Variants in PIK3R3 observed in about 807,000 individuals in gnomAD.
The protein encoded by PIK3R3 is phosphoinositide-3-kinase regulatory subunit 3.
Under a neutral mutation model 62.9 loss-of-function variants are expected in PIK3R3, and 64 were observed. That is an observed-to-expected ratio of 1.02 (90% CI 0.83 to 1.25). The LOEUF (loss-of-function observed/expected upper bound fraction) is 1.25, where lower values mean the gene tolerates loss of function less well. PIK3R3 is among the 50% of genes most tolerant of loss of function. The pLI is 0.00. For synonymous variants in PIK3R3, 165 were observed against 189.0 expected, an observed-to-expected ratio of 0.87 and a Z score of 1.04; for missense variants, 614 against 561.6, an observed-to-expected ratio of 1.09 and a Z score of -0.94.
chr1:46,169,689 A>G, the PIK3R3 span, among the ~76,000 whole-genome samples: 30 of 152,108 alleles, frequency 2.0e-4, no homozygotes, highest in Non-Finnish European at 3.4e-4. Context: ...GTCAGGGCTG[A>G]GGTATTGAGC....
chr1:46,071,120 CCTT>C (rs1190834425), intron 3 of PIK3R3, among the ~76,000 whole-genome samples: 3 of 152,044 alleles, frequency 2.0e-5, no homozygotes, highest in Non-Finnish European at 4.4e-5. Flanking sequence ...TCACTCTCTC[CCTT>C]CTTAATATTT....
chr1:46,066,031 C>A, intron 5 of PIK3R3, 23 bp downstream of exon 5: 2 of 1,600,926 alleles, frequency 1.2e-6, no homozygotes, highest in South Asian at 1.1e-5. Flanking sequence ...ACATATTAGT[C>A]AAAAACAACA....
At chr1:46,115,214 C>T (rs1654083662) in intron 1 of PIK3R3, among the ~76,000 whole-genome samples, 2 of 152,294 alleles carry the variant, frequency 1.3e-5, no homozygotes, top group Non-Finnish European at 1.5e-5. Context: ...AGGGCCAAAG[C>T]CTGTACCCTT....
At chr1:46,144,766 C>CAA in the PIK3R3 span, among the ~76,000 whole-genome samples, 6 of 105,046 alleles carry the variant, frequency 5.7e-5, no homozygotes, top group South Asian at 3.5e-4. Context: ...GACTCCATCT[C>CAA]AAAAAAAAAA....
At chr1:46,164,583 T>G in the PIK3R3 span, among the ~76,000 whole-genome samples, 1 of 152,102 alleles carries the variant, frequency 6.6e-6, no homozygotes, top group Admixed American at 6.5e-5. Flanking sequence ...GAGCCGAGAT[T>G]GCGCCATTGC....
upstream of PIK3R3, chr1:46,132,807 A>G: frequency 8.1e-7 from 1 of 1,237,230 alleles, no homozygotes; most frequent in East Asian, 5.8e-5. Context: ...AGTGCCTGAG[A>G]ACATGTTCAA....
At chr1:46,095,879 C>T (rs188264442) in intron 1 of PIK3R3, among the ~76,000 whole-genome samples, 2 of 152,140 alleles carry the variant, frequency 1.3e-5, no homozygotes, top group Non-Finnish European at 2.9e-5. Context: ...AAGTTAATTG[C>T]TTTGAAGACT....
intron 1 of PIK3R3, among the ~76,000 whole-genome samples, chr1:46,127,342 C>CAAA (rs11337913): frequency 3.2e-4 from 41 of 127,034 alleles, no homozygotes; most frequent in Admixed American, 8.3e-4. Context: ...GACCCTGCCT[C>CAAA]AAAAAAAAAA....
chr1:46,157,876 A>G, the PIK3R3 span, among the ~76,000 whole-genome samples: 1 of 152,340 alleles, frequency 6.6e-6, no homozygotes, highest in East Asian at 1.9e-4. Flanking sequence ...ACCTTTATGG[A>G]GGGGACTGAA....
rs140765040 is a variant in PIK3R3 at position 46,071,730 on chromosome 1, T to TAGAGAG, written c.315-4645_315-4640dup. Among the ~76,000 whole-genome samples the TAGAGAG allele has an allele frequency of 3.7e-4, 22 of 59,066 alleles. 2 individuals are homozygous for TAGAGAG. The highest frequency in any genetic ancestry group is 1.4e-3 in the African/African-American group (18 of 12,684). 38.7% of individuals were successfully genotyped at this position (59,066 alleles called of 152,430 possible). On this transcript the variant is annotated intron_variant, in intron 3 of 9. Transcript: ENST00000262741. ...AAAAAAAAATATATATATATATATA[T>TAGAGAG]AGAGAGAGAGAGAGAGAGAGAGAGA...
the PIK3R3 span, among the ~76,000 whole-genome samples, chr1:46,142,496 A>G: frequency 6.6e-6 from 1 of 152,202 alleles, no homozygotes; most frequent in African/African-American, 2.4e-5. Context: ...CAGGAGATCG[A>G]GACCATCCTG....
At chr1:46,098,704 T>G (rs948571161) in intron 1 of PIK3R3, among the ~76,000 whole-genome samples, 1 of 152,100 alleles carries the variant, frequency 6.6e-6, no homozygotes, top group Non-Finnish European at 1.5e-5. Context: ...GAATGGGGAA[T>G]GACTTTTTCT....
At chr1:46,148,650 A>C in the PIK3R3 span, among the ~76,000 whole-genome samples, 2 of 152,058 alleles carry the variant, frequency 1.3e-5, no homozygotes, top group African/African-American at 4.8e-5. Flanking sequence ...GAGACTGAGA[A>C]TTGGAGAAGA....
chr1:46,155,127 C>A, the PIK3R3 span, among the ~76,000 whole-genome samples: 2 of 152,076 alleles, frequency 1.3e-5, no homozygotes, highest in African/African-American at 4.8e-5. Context: ...GAAGACCAGC[C>A]TGGGTAACAT....
chr1:46,086,615 G>A (rs904871255), intron 1 of PIK3R3, among the ~76,000 whole-genome samples: 3 of 152,088 alleles, frequency 2.0e-5, no homozygotes, highest in Admixed American at 6.5e-5. Context: ...CAGGAGACTC[G>A]CTTGACCCCG....
intron 1 of PIK3R3, among the ~76,000 whole-genome samples, chr1:46,089,081 T>C (rs1431749278): frequency 6.6e-6 from 1 of 152,148 alleles, no homozygotes; most frequent in Non-Finnish European, 1.5e-5. Context: ...TCAACCAACT[T>C]ATCTCTCAGC....
intron 9 of PIK3R3, among the ~76,000 whole-genome samples, chr1:46,045,158 G>A (rs1404751654): frequency 2.0e-5 from 3 of 152,186 alleles, no homozygotes; most frequent in East Asian, 3.9e-4. Flanking sequence ...CCTAAAGTAG[G>A]TATTATCCTT....
intron 3 of PIK3R3, 134 bp from the exon 4 acceptor site, chr1:46,067,225 T>A (rs1649086321): frequency 4.6e-6 from 2 of 436,020 alleles, no homozygotes; most frequent in African/African-American, 2.2e-5. Context: ...CTGGAAGGAG[T>A]GAAAAGGCAT....
chr1:46,119,072 G>A (rs1306419379), intron 1 of PIK3R3, among the ~76,000 whole-genome samples: 1 of 152,094 alleles, frequency 6.6e-6, no homozygotes, highest in Non-Finnish European at 1.5e-5. Flanking sequence ...TAAAATAGCA[G>A]ATCTCTCACC....
Sources: gnomAD v4.1 joint callset for allele counts (sites outside exome capture counted in the v4.1 genomes callset) on GRCh38, gnomAD v4.1.1 for gene constraint, MANE v1.5 for transcripts, NCBI Gene and HGNC (gene_info 2026-07-23, HGNC 2026-07-21) for gene names.